The following TANC2 variants were observed in gnomAD, a reference collection of about 807,000 sequenced individuals.
TANC2 encodes tetratricopeptide repeat, ankyrin repeat and coiled-coil containing 2.
A neutral mutation model predicts 210.5 loss-of-function variants in TANC2; 26 were observed. That is an observed-to-expected ratio of 0.12 (90% CI 0.09 to 0.17). The LOEUF (loss-of-function observed/expected upper bound fraction) is 0.17, where lower values mean the gene tolerates loss of function less well. Among genes scored for constraint, TANC2 ranks in the 10% least tolerant of loss-of-function variants. The probability of loss-of-function intolerance (pLI) is 1.00; values close to 1 mark genes in which losing one functional copy is unlikely to be tolerated. For missense variants in TANC2, 2,129 were observed against 2,608.9 expected (o/e 0.82, Z 4.01); for synonymous variants, 931 against 967.1 (o/e 0.96, Z 0.69).
intron 14 of TANC2, among the ~76,000 whole-genome samples, chr17:63,367,464 A>C (rs959877102): frequency 6.6e-6 from 1 of 152,152 alleles, no homozygotes; most frequent in African/African-American, 2.4e-5. Context: ...GGCTCAAAAC[A>C]ATTCTTCTTC....
chr17:63,014,088 A>G (rs374931510), intron 2 of TANC2, among the ~76,000 whole-genome samples: 4 of 152,168 alleles, frequency 2.6e-5, no homozygotes, highest in Non-Finnish European at 2.9e-5. Context: ...TGTAATCTCA[A>G]TTGACCTATC....
In TANC2 at chr17:63,055,965, C is replaced by CAAAAA. The variant is rs869063496; in HGVS notation, c.68-17956_68-17952dup. ...CAACGTAGTGAGACCTCATCTCTAC[C>CAAAAA]AAAAAAAAAAAAAAAAAAAAAAAAA... On this transcript the variant is annotated intron_variant, in intron 2 of 27. Transcript: ENST00000689528. Among the ~76,000 whole-genome samples the CAAAAA allele has an allele frequency of 5.7e-4, 30 of 52,592 alleles. 1 individual carries two copies. The highest frequency in any genetic ancestry group is 1.3e-3 in the African/African-American group (18 of 13,780). The allele number at this position is 52,592 out of a possible 152,430, so 34.5% of individuals were successfully genotyped here.
At chr17:62,970,994 T>C (rs559093462) in intron 1 of TANC2, among the ~76,000 whole-genome samples, 1 of 152,118 alleles carries the variant, frequency 6.6e-6, no homozygotes, top group South Asian at 2.1e-4. Flanking sequence ...TTGTTATATT[T>C]GCTTAATGTG....
chr17:62,979,354 A>G (rs1321614725), intron 1 of TANC2, among the ~76,000 whole-genome samples: 2 of 151,746 alleles, frequency 1.3e-5, no homozygotes, highest in Non-Finnish European at 2.9e-5. Flanking sequence ...CTTTTACCTT[A>G]TTTTGCAATA....
intron 8 of TANC2, among the ~76,000 whole-genome samples, chr17:63,261,302 A>G (rs1455462187): frequency 6.6e-6 from 1 of 152,120 alleles, no homozygotes; most frequent in Non-Finnish European, 1.5e-5. Flanking sequence ...TAGTAAGAAA[A>G]CCTTGAGGTA....
chr17:63,071,875 G>C (rs965485219), intron 2 of TANC2, among the ~76,000 whole-genome samples: 1 of 152,052 alleles, frequency 6.6e-6, no homozygotes, highest in Non-Finnish European at 1.5e-5. Flanking sequence ...TAATAAATTT[G>C]GGTAGAAATT....
intron 17 of TANC2, chr17:63,393,571 C>G (rs1335182972): frequency 6.6e-6 from 1 of 152,160 alleles, no homozygotes; most frequent in Non-Finnish European, 1.5e-5. Flanking sequence ...AGGACATTGA[C>G]CCCCAACAGG....
In TANC2 at chr17:63,354,776, T is replaced by A. The variant is rs3922311; in HGVS notation, c.1975-7T>A. 6.5e-7 allele frequency: 1 copy of A among 1,550,036 alleles called. No homozygotes were observed. Among genetic ancestry groups the A allele is most frequent in the African/African-American group, 1.4e-5 (1 of 72,294 alleles). On this transcript the variant is annotated splice_polypyrimidine_tract_variant and splice_region_variant and intron_variant, in intron 13 of 27. Coordinates refer to ENST00000689528, the Ensembl canonical transcript of TANC2. ...TTCTGTCTCTTTCTCTCTCTCCATC[T>A]TTTTAGGAAATTACCAAGCTGCTGC...
chr17:63,405,400 AT>A (rs2048471390), intron 20 of TANC2, 145 bp downstream of exon 20: 2 of 862,314 alleles, frequency 2.3e-6, no homozygotes, highest in South Asian at 5.6e-5. Flanking sequence ...TGTTATGAGT[AT>A]TCTGGTTAAT....
At chr17:62,969,532 G>C (rs1156579614) in intron 1 of TANC2, among the ~76,000 whole-genome samples, 2 of 152,240 alleles carry the variant, frequency 1.3e-5, no homozygotes, top group Non-Finnish European at 2.9e-5. Flanking sequence ...GTTATTTGCA[G>C]TGTGAACATT....
intron 8 of TANC2, among the ~76,000 whole-genome samples, chr17:63,250,228 C>T (rs1415751328): frequency 6.6e-6 from 1 of 151,954 alleles, no homozygotes; most frequent in Non-Finnish European, 1.5e-5. Context: ...TTCATCTGAA[C>T]TCACCTGATT....
intron 7 of TANC2, among the ~76,000 whole-genome samples, chr17:63,201,884 A>G (rs1178493147): frequency 6.6e-6 from 1 of 152,158 alleles, no homozygotes; most frequent in Admixed American, 6.5e-5. Flanking sequence ...TTATGATTCA[A>G]CACCTCTTGC....
At chr17:63,373,988 AATTATT>A (rs141906417) in intron 14 of TANC2, among the ~76,000 whole-genome samples, 24,153 of 147,400 alleles carry the variant, frequency 0.16, 2,488 homozygotes, top group Non-Finnish European at 0.24. Context: ...CTCAAAAAAT[AATTATT>A]ATTATTATTA....
chr17:63,405,000 T>C (rs2147279745), intron 19 of TANC2, 122 bp from the exon 20 acceptor site: 1 of 1,211,534 alleles, frequency 8.3e-7, no homozygotes, highest in Non-Finnish European at 1.1e-6. Context: ...GTGGCAAAAA[T>C]CATTATTCTT....
intron 12 of TANC2, among the ~76,000 whole-genome samples, chr17:63,350,647 A>C (rs921710120): frequency 1.3e-5 from 2 of 152,126 alleles, no homozygotes; most frequent in African/African-American, 4.8e-5. Flanking sequence ...CGGCTGCTTT[A>C]GGTATAGTCT....
chr17:63,210,417 G>T (rs991090474), intron 7 of TANC2, among the ~76,000 whole-genome samples: 1 of 152,072 alleles, frequency 6.6e-6, no homozygotes, highest in Non-Finnish European at 1.5e-5. Context: ...CTGGATTTCC[G>T]CACTATCTAC....
At chr17:63,049,058 C>G (rs2035483458) in intron 2 of TANC2, among the ~76,000 whole-genome samples, 1 of 152,124 alleles carries the variant, frequency 6.6e-6, no homozygotes, top group African/African-American at 2.4e-5. Flanking sequence ...GTATTATAAT[C>G]AAGCAAGTGA....
intron 2 of TANC2, among the ~76,000 whole-genome samples, chr17:63,027,353 AAAG>A (rs1255559152): frequency 6.6e-6 from 1 of 152,084 alleles, no homozygotes; most frequent in Admixed American, 6.6e-5. Flanking sequence ...ATTCTTTAAA[AAAG>A]GGATTTAAAT....
intron 8 of TANC2, among the ~76,000 whole-genome samples, chr17:63,262,320 C>T (rs756315664): frequency 2.0e-5 from 3 of 152,286 alleles, no homozygotes; most frequent in East Asian, 1.9e-4. Flanking sequence ...GCTAGCACTA[C>T]GGACATGCGC....
Sources: gnomAD v4.1 joint callset for allele counts (sites outside exome capture counted in the v4.1 genomes callset) on GRCh38, gnomAD v4.1.1 for gene constraint, MANE v1.5 for transcripts, NCBI Gene and HGNC (gene_info 2026-07-23, HGNC 2026-07-21) for gene names.